Variants in SLC35E2B observed in about 807,000 individuals in gnomAD.
SLC35E2B encodes the protein solute carrier family 35, member E2B.
SLC35E2B carries 18 observed loss-of-function variants against 32.4 expected under a neutral mutation model. That is an observed-to-expected ratio of 0.56 (90% CI 0.38 to 0.82). The LOEUF (loss-of-function observed/expected upper bound fraction) is 0.82, where lower values mean the gene tolerates loss of function less well. Ranked by LOEUF, SLC35E2B falls within the 40% of genes least tolerant of loss-of-function variation. The pLI is 0.00. For synonymous variants in SLC35E2B, 132 were observed against 209.1 expected (o/e 0.63, Z 3.18); for missense variants, 263 against 469.5 (o/e 0.56, Z 4.06).
chr1:1,688,853 G>A (rs1253172592), intron 2 of SLC35E2B, among the ~76,000 whole-genome samples: 5 of 151,840 alleles, frequency 3.3e-5, no homozygotes, highest in African/African-American at 1.2e-4. Context: ...GTGCAGGGCT[G>A]GGCGAGTAAA....
At chr1:1,666,620 G>T (rs565647539) in intron 9 of SLC35E2B, among the ~76,000 whole-genome samples, 1 of 152,208 alleles carries the variant, frequency 6.6e-6, no homozygotes, top group Non-Finnish European at 1.5e-5. Context: ...CGGGCGCAGC[G>T]GCTTAGCCTG....
At chr1:1,672,451 G>T (rs1414318568) in intron 5 of SLC35E2B, 1 of 152,250 alleles carries the variant, frequency 6.6e-6, no homozygotes, top group Non-Finnish European at 1.5e-5. Context: ...GTGCGGGGAG[G>T]CTCCAGCCAG....
chr1:1,678,315 C>G (rs913100470), intron 2 of SLC35E2B, among the ~76,000 whole-genome samples: 1 of 152,080 alleles, frequency 6.6e-6, no homozygotes, highest in Non-Finnish European at 1.5e-5. Flanking sequence ...GTGCTCAGGC[C>G]GGCCTCTCCC....
rs74045938 is a variant in SLC35E2B, at chr1:1,683,361, C to A, written c.-147-6515G>T. Among the ~76,000 whole-genome samples, 956 of 152,288 alleles carry A rather than the reference C, an allele frequency of 6.3e-3. 13 individuals are homozygous for A. Among genetic ancestry groups the A allele is most frequent in the African/African-American group, 0.022 (921 of 41,540 alleles). ...GCCGTGCTTCTGACCGGCAGCTATACATCGGGGTTCCCACGACACCCTCCT... is the reference window on the plus strand; with the variant it reads ...GCCGTGCTTCTGACCGGCAGCTATAAATCGGGGTTCCCACGACACCCTCCT... On this transcript the variant is annotated intron_variant, in intron 2 of 9. Coordinates refer to ENST00000617444, the MANE Select transcript of SLC35E2B (RefSeq NM_001290264.2).
At chr1:1,686,114 C>T (rs1034815823) in intron 2 of SLC35E2B, among the ~76,000 whole-genome samples, 17 of 152,146 alleles carry the variant, frequency 1.1e-4, no homozygotes, top group African/African-American at 2.7e-4. Context: ...AAGCGATTCT[C>T]CTGCCTCAGC....
At chr1:1,677,802 G>C (rs925386325) in intron 2 of SLC35E2B, among the ~76,000 whole-genome samples, 1 of 151,754 alleles carries the variant, frequency 6.6e-6, no homozygotes, top group Non-Finnish European at 1.5e-5. Context: ...ACTTACACCC[G>C]CTTCACGCTC....
At chr1:1,670,400 G>T in intron 6 of SLC35E2B, 1 of 380,862 alleles carries the variant, frequency 2.6e-6, no homozygotes, top group Non-Finnish European at 4.8e-6. Context: ...GGGATTACAA[G>T]TGTGAGCCAC....
intron 5 of SLC35E2B, among the ~76,000 whole-genome samples, chr1:1,675,097 G>A (rs1253859597): frequency 3.3e-5 from 5 of 151,284 alleles, no homozygotes; most frequent in Admixed American, 1.3e-4. Flanking sequence ...CAGGAGCCAC[G>A]GCCGCCTGTG....
At position 1,686,321 on chromosome 1, in the gene SLC35E2B, C is replaced by CT. The variant is rs375495225; in HGVS notation, c.-148+4654dup. On this transcript the variant is annotated intron_variant, in intron 2 of 9. Transcript: ENST00000617444. ...CCCAGCCTCCCTTTTCTTTTTTTTT[C>CT]TTTTTTTTTTTTTTTTTTGCTGACT... Among the ~76,000 whole-genome samples, 465 of 127,778 alleles carry CT rather than the reference C, an allele frequency of 3.6e-3. 2 individuals are homozygous for CT. The highest frequency in any genetic ancestry group is 0.017 in the Middle Eastern group (4 of 238). The allele number at this position is 127,778 out of a possible 152,430, so 83.8% of individuals were successfully genotyped here. A position where few individuals can be genotyped will look rare whatever the true frequency, so the allele number is the denominator to read the frequency against.
At position 1,665,709 on chromosome 1, in the gene SLC35E2B, G is replaced by A; in HGVS notation, c.*73C>T. 6.6e-7 allele frequency: 1 copy of A among 1,521,300 alleles called. No individual in the cohort carries two copies. The highest frequency in any genetic ancestry group is 1.2e-5 in the South Asian group (1 of 81,728). 94.2% of individuals were successfully genotyped at this position (1,521,300 alleles called of 1,614,324 possible). A position where few individuals can be genotyped will look rare whatever the true frequency, so the allele number is the denominator to read the frequency against. On this transcript the variant is annotated 3_prime_UTR_variant, in exon 10 of 10. Transcript: ENST00000617444. ...TGTCCTGCACCCCAGCAGGGCCATGGAGGAGGGCGTCCCTGCCCATTTCTG... is the reference window on the plus strand; with the variant it reads ...TGTCCTGCACCCCAGCAGGGCCATGAAGGAGGGCGTCCCTGCCCATTTCTG...
At chr1:1,675,356 A>G (rs1643815474) in intron 5 of SLC35E2B, 107 bp downstream of exon 5, 4 of 721,266 alleles carry the variant, frequency 5.5e-6, no homozygotes, top group Non-Finnish European at 6.9e-6. Flanking sequence ...CACCACTCTG[A>G]GTGGTCCTCG....
In SLC35E2B at chr1:1,663,186, A is replaced by G. The variant is rs1056411952; in HGVS notation, c.*2596T>C. 8.7e-6 allele frequency: 8 copies of G among 919,370 alleles called. No homozygotes were observed. The African/African-American group carries it at 1.4e-4, about 16-fold the overall frequency. 57.0% of individuals were successfully genotyped at this position (919,370 alleles called of 1,614,324 possible). A position where few individuals can be genotyped will look rare whatever the true frequency, so the allele number is the denominator to read the frequency against. ...GCAGCGTTACACAGGAAATTACCCT[A>G]TTTGCTAATCCTTTGGAAAAACGTT... On this transcript the variant is annotated 3_prime_UTR_variant, in exon 10 of 10. Coordinates refer to ENST00000617444, the MANE Select transcript of SLC35E2B (RefSeq NM_001290264.2).
chr1:1,682,967 C>T (rs541591740), intron 2 of SLC35E2B, among the ~76,000 whole-genome samples: 1 of 152,154 alleles, frequency 6.6e-6, no homozygotes, highest in East Asian at 1.9e-4. Flanking sequence ...ATCCCACCTA[C>T]TCAAGAGGTT....
Position 1,679,447 on chromosome 1 carries a change from C to T in SLC35E2B, c.-147-2601G>A, listed in dbSNP as rs541888580. Reference sequence around the variant, plus strand: ...GGGACCCACACAAGCAGCCCAGTCCCCACCCTAATGTTTGCTCACAATTAG... The same window carrying T: ...GGGACCCACACAAGCAGCCCAGTCCTCACCCTAATGTTTGCTCACAATTAG... On this transcript the variant is annotated intron_variant, in intron 2 of 9. Coordinates refer to ENST00000617444, the MANE Select transcript of SLC35E2B (RefSeq NM_001290264.2). Among the ~76,000 whole-genome samples, 155 of 152,260 alleles carry T rather than the reference C, an allele frequency of 1.0e-3. No homozygotes were observed. In the Middle Eastern group the frequency reaches 0.02, roughly 20 times the overall value.
At chr1:1,690,068 G>A (rs980163973) in intron 2 of SLC35E2B, among the ~76,000 whole-genome samples, 4 of 150,166 alleles carry the variant, frequency 2.7e-5, no homozygotes, top group African/African-American at 9.8e-5. Flanking sequence ...GATCACCTGA[G>A]GTTGGGAGTT....
intron 2 of SLC35E2B, among the ~76,000 whole-genome samples, chr1:1,682,362 A>C (rs546140831): frequency 1.3e-5 from 2 of 152,226 alleles, no homozygotes; most frequent in Admixed American, 6.5e-5. Context: ...GACAAAGCAA[A>C]CACCAAAAGA....
chr1:1,687,975 G>T (rs1422477779), intron 2 of SLC35E2B, among the ~76,000 whole-genome samples: 1 of 152,066 alleles, frequency 6.6e-6, no homozygotes, highest in African/African-American at 2.4e-5. Context: ...AAAAATGACT[G>T]ACTCTCGGGC....
chr1:1,681,545 C>T lies in SLC35E2B; in HGVS notation c.-147-4699G>A, dbSNP rs564789235. On this transcript the variant is annotated intron_variant, in intron 2 of 9. Coordinates refer to ENST00000617444, the MANE Select transcript of SLC35E2B (RefSeq NM_001290264.2). ...TTTTTGAGAGGGACTCTTACTCTGT[C>T]GCCCAGGCTAGAGTGCAGTGGCACA... 2.5e-4 allele frequency among the ~76,000 whole-genome samples: 38 copies of T among 151,164 alleles called. No individual in the cohort carries two copies. In the South Asian group the frequency reaches 7.6e-3, roughly 30 times the overall value.
chr1:1,671,724 C>T (rs7532034), intron 5 of SLC35E2B, 95 bp from the exon 6 acceptor site: 293,671 of 1,244,250 alleles, frequency 0.24, 38,261 homozygotes, highest in African/African-American at 0.49. Flanking sequence ...ATGAAAGGAA[C>T]GGATGCTTCC....
Sources: gnomAD v4.1 joint callset for allele counts (sites outside exome capture counted in the v4.1 genomes callset) on GRCh38, gnomAD v4.1.1 for gene constraint, MANE v1.5 for transcripts, NCBI Gene and HGNC (gene_info 2026-07-23, HGNC 2026-07-21) for gene names.